The following EDIL3 variants were observed in gnomAD, a reference collection of about 807,000 sequenced individuals.
The protein encoded by EDIL3 is EGF-like repeat and discoidin I-like domain-containing protein 3.
EDIL3 carries 37 observed loss-of-function variants against 67.4 expected under a neutral mutation model. The observed-to-expected ratio is 0.55, with a 90% CI of 0.42 to 0.72. The LOEUF (loss-of-function observed/expected upper bound fraction) is 0.72. Ranked by LOEUF, EDIL3 falls within the 30% of genes least tolerant of loss-of-function variation. EDIL3 has a pLI of 0.00. For synonymous variants in EDIL3, 195 were observed against 196.3 expected, an observed-to-expected ratio of 0.99 and a Z score of 0.05; for missense variants, 527 against 586.3, an observed-to-expected ratio of 0.90 and a Z score of 1.04.
intron 6 of EDIL3, among the ~76,000 whole-genome samples, chr5:84,093,676 T>G (rs1747208089): frequency 6.6e-6 from 1 of 151,020 alleles, no homozygotes; most frequent in Non-Finnish European, 1.5e-5. Flanking sequence ...TTTTTTTTTT[T>G]TCAGACGGGG....
chr5:84,094,695 T>C (rs928235301), intron 6 of EDIL3, among the ~76,000 whole-genome samples: 1 of 152,034 alleles, frequency 6.6e-6, no homozygotes, highest in Non-Finnish European at 1.5e-5. Context: ...AACAAAGTTG[T>C]TAAAAAAATC....
At chr5:84,372,344 C>A (rs1222028134) in intron 1 of EDIL3, among the ~76,000 whole-genome samples, 1 of 152,046 alleles carries the variant, frequency 6.6e-6, no homozygotes, top group Non-Finnish European at 1.5e-5. Flanking sequence ...ACTTTGTGTA[C>A]AAGGTACACA....
chr5:84,284,010 T>C (rs1203956639), intron 1 of EDIL3, among the ~76,000 whole-genome samples: 3 of 152,066 alleles, frequency 2.0e-5, no homozygotes, highest in South Asian at 4.1e-4. Flanking sequence ...TAAAACATCC[T>C]GGTACCTATT....
chr5:84,270,813 A>T (rs1024617933), intron 1 of EDIL3, among the ~76,000 whole-genome samples: 20 of 152,356 alleles, frequency 1.3e-4, no homozygotes, highest in African/African-American at 4.6e-4. Flanking sequence ...CCTGACAGAA[A>T]GAGTGAAGTG....
intron 9 of EDIL3, among the ~76,000 whole-genome samples, chr5:84,006,583 T>G (rs1399359646): frequency 6.6e-6 from 1 of 152,122 alleles, no homozygotes; most frequent in African/African-American, 2.4e-5. Flanking sequence ...GAGCAGAGGT[T>G]GGAAGGAAGG....
In EDIL3 at chr5:83,972,107, A is replaced by T. The variant is rs371961355; in HGVS notation, c.1138-8747T>A. Among the ~76,000 whole-genome samples the T allele has an allele frequency of 3.9e-5, 6 of 152,240 alleles. No individual in the cohort carries two copies. In the South Asian group the frequency reaches 1.2e-3, roughly 32 times the overall value. On this transcript the variant is annotated intron_variant, in intron 9 of 10. Transcript: ENST00000296591. ...GTTATTTGGCATGTGCCTGGCCTAT[A>T]TGTTTCATGAAATATCTACTGAATG...
At chr5:84,069,237 C>A (rs1580310457) in intron 6 of EDIL3, among the ~76,000 whole-genome samples, 1 of 151,948 alleles carries the variant, frequency 6.6e-6, no homozygotes, top group South Asian at 2.1e-4. Flanking sequence ...AGCAGAAGTG[C>A]ATTCTAAGGT....
rs78059030 is a variant in EDIL3 at position 83,994,096 on chromosome 5, C to T, written c.1138-30736G>A. ...TGTTAAACGGTCATTGAAAACCTTGCAATTGTTTATATTTCTCCATTGTTT... is the reference window on the plus strand; with the variant it reads ...TGTTAAACGGTCATTGAAAACCTTGTAATTGTTTATATTTCTCCATTGTTT... On this transcript the variant is annotated intron_variant, in intron 9 of 10. Transcript: ENST00000296591. Among the ~76,000 whole-genome samples, 823 of 152,196 alleles carry T rather than the reference C, an allele frequency of 5.4e-3. 12 individuals carry two copies. Among genetic ancestry groups the T allele is most frequent in the African/African-American group, 0.018 (750 of 41,524 alleles).
rs575308470 is a variant in EDIL3, at chr5:84,050,900, G to A, written c.1137+9400C>T. Among the ~76,000 whole-genome samples, 59 of 152,282 alleles carry A rather than the reference G, an allele frequency of 3.9e-4. No individual in the cohort carries two copies. The South Asian group carries it at 0.011, about 28-fold the overall frequency. On this transcript the variant is annotated intron_variant, in intron 9 of 10. Transcript: ENST00000296591. The stretch of plus-strand genomic sequence containing the variant: ...CCACCTCTGGGGGCAGGGCATAGCC[G>A]AACAAAAGGCAGTAGAAACCTCTGC...
At chr5:84,085,877 C>T (rs1747060263) in intron 6 of EDIL3, among the ~76,000 whole-genome samples, 1 of 152,200 alleles carries the variant, frequency 6.6e-6, no homozygotes, top group African/African-American at 2.4e-5. Context: ...GCATTTCCTT[C>T]AGAGATGCCC....
chr5:84,042,350 C>T (rs1472653567), intron 9 of EDIL3, among the ~76,000 whole-genome samples: 1 of 151,436 alleles, frequency 6.6e-6, no homozygotes, highest in Non-Finnish European at 1.5e-5. Context: ...GGCTTGATCT[C>T]GGCTCACTGC....
At chr5:84,297,010 G>T (rs930010155) in intron 1 of EDIL3, among the ~76,000 whole-genome samples, 1 of 151,794 alleles carries the variant, frequency 6.6e-6, no homozygotes, top group Non-Finnish European at 1.5e-5. Context: ...GTGAAACCCC[G>T]TCTCCACTAA....
chr5:84,346,706 G>A (rs116773006), intron 1 of EDIL3, among the ~76,000 whole-genome samples: 187 of 152,250 alleles, frequency 1.2e-3, no homozygotes, highest in African/African-American at 4.2e-3. Context: ...CAGGACATCA[G>A]AACCAGTAAT....
At chr5:84,190,579 GTATATA>G (rs138685119) in intron 3 of EDIL3, among the ~76,000 whole-genome samples, 17,074 of 121,498 alleles carry the variant, frequency 0.14, 1,308 homozygotes, top group Non-Finnish European at 0.17. Flanking sequence ...GTGTGTGTGT[GTATATA>G]TATATATATA....
intron 9 of EDIL3, among the ~76,000 whole-genome samples, chr5:83,993,608 T>C (rs1475958692): frequency 2.0e-5 from 3 of 152,204 alleles, no homozygotes; most frequent in African/African-American, 7.2e-5. Flanking sequence ...AAAGATTGAA[T>C]AGAATTTTAG....
chr5:84,093,456 G>A lies in EDIL3; in HGVS notation c.651+13193C>T, dbSNP rs149140622. On this transcript the variant is annotated intron_variant, in intron 6 of 10. Coordinates refer to ENST00000296591, the MANE Select transcript of EDIL3 (RefSeq NM_005711.5). The stretch of plus-strand genomic sequence containing the variant: ...TGAAGATAAAAGGCAGGGCTTTCAG[G>A]GATTACTTCACAGAGAAGGGAATGA... Among the ~76,000 whole-genome samples, 890 of 152,150 alleles carry A rather than the reference G, an allele frequency of 5.8e-3. 10 individuals are homozygous for A. Among genetic ancestry groups the A allele is most frequent in the African/African-American group, 0.021 (858 of 41,518 alleles).
chr5:84,205,165 C>T (rs916241155), intron 3 of EDIL3, among the ~76,000 whole-genome samples: 16 of 151,680 alleles, frequency 1.1e-4, no homozygotes, highest in Admixed American at 3.3e-4. Flanking sequence ...ATCCTCCCGC[C>T]TAGGCATCCA....
At chr5:84,150,385 A>T (rs1265214070) in intron 4 of EDIL3, among the ~76,000 whole-genome samples, 18 of 152,184 alleles carry the variant, frequency 1.2e-4, no homozygotes, top group Non-Finnish European at 2.9e-5. Context: ...TTTGCAAATC[A>T]AAAATATGAT....
chr5:84,312,187 G>A (rs1208213370), intron 1 of EDIL3, among the ~76,000 whole-genome samples: 3 of 148,762 alleles, frequency 2.0e-5, no homozygotes, highest in Non-Finnish European at 4.5e-5. Context: ...CCGGGCGGGG[G>A]CTGACCCCCC....
Sources: gnomAD v4.1 joint callset for allele counts (sites outside exome capture counted in the v4.1 genomes callset) on GRCh38, gnomAD v4.1.1 for gene constraint, MANE v1.5 for transcripts, NCBI Gene and HGNC (gene_info 2026-07-23, HGNC 2026-07-21) for gene names.